The following ZNF608 variants were observed in gnomAD, a reference collection of about 807,000 sequenced individuals.
ZNF608 encodes the protein renal carcinoma antigen NY-REN-36.
ZNF608 carries 12 observed loss-of-function variants against 109.0 expected under a neutral mutation model. The ratio of observed to expected loss-of-function variants is 0.11; its 90% CI spans 0.07 to 0.18. The LOEUF (loss-of-function observed/expected upper bound fraction) is 0.18, where lower values mean the gene tolerates loss of function less well. Ranked by LOEUF, ZNF608 falls within the 10% of genes least tolerant of loss-of-function variation. The pLI is 1.00. For missense variants in ZNF608, 1,707 were observed against 1,879.3 expected (o/e 0.91, Z 1.70); for synonymous variants, 732 against 717.4 (o/e 1.02, Z -0.33).
chr5:124,740,169 C>T (rs973025803), intron 2 of ZNF608, among the ~76,000 whole-genome samples: 1 of 152,102 alleles, frequency 6.6e-6, no homozygotes, highest in African/African-American at 2.4e-5. Flanking sequence ...GCAAAGCAAA[C>T]GGATTTCACA....
intron 3 of ZNF608, among the ~76,000 whole-genome samples, chr5:124,666,034 T>C (rs796616853): frequency 1.8e-4 from 27 of 152,270 alleles, no homozygotes; most frequent in African/African-American, 6.3e-4. Context: ...TGTACGTTTG[T>C]GCGTACTAGG....
At chr5:124,711,734 G>C (rs953898009) in intron 2 of ZNF608, among the ~76,000 whole-genome samples, 5 of 152,232 alleles carry the variant, frequency 3.3e-5, no homozygotes, top group Admixed American at 3.3e-4. Context: ...AAGGTGGTCA[G>C]TTAAGCCCAG....
At chr5:124,691,586 G>A (rs1752633955) in intron 3 of ZNF608, among the ~76,000 whole-genome samples, 1 of 152,148 alleles carries the variant, frequency 6.6e-6, no homozygotes, top group African/African-American at 2.4e-5. Context: ...CAACCTACGT[G>A]TCCATCAATG....
chr5:124,666,180 G>A (rs1751470909), intron 3 of ZNF608: 1 of 152,226 alleles, frequency 6.6e-6, no homozygotes, highest in Admixed American at 6.5e-5. Context: ...ATCTGCATGT[G>A]TGATCACCAG....
chr5:124,737,157 C>T (rs972736548), intron 2 of ZNF608, among the ~76,000 whole-genome samples: 7 of 152,202 alleles, frequency 4.6e-5, no homozygotes, highest in Non-Finnish European at 8.8e-5. Context: ...AATTCCACAA[C>T]CTAAATATCT....
upstream of ZNF608, chr5:124,748,626 C>T (rs1454230505): frequency 1.1e-6 from 1 of 932,380 alleles, no homozygotes; most frequent in Admixed American, 6.2e-5. Flanking sequence ...ATCTCTTCAA[C>T]AAATTTATTA....
rs544313548 is a variant in ZNF608, at chr5:124,746,298, G to A, written c.-287C>T. ...GCCTCATTTTACTTAAACACCAAAT[G>A]ATCAAGAAGGAAGAAACCAAATAAC... On this transcript the variant is annotated 5_prime_UTR_variant, in exon 1 of 10. Transcript: ENST00000513986. 4.1e-6 allele frequency: 4 copies of A among 985,210 alleles called. No individual in the cohort carries two copies. The South Asian group carries it at 1.9e-4, about 46-fold the overall frequency. The allele number at this position is 985,210 out of a possible 1,614,324, so 61.0% of individuals were successfully genotyped here. A position where few individuals can be genotyped will look rare whatever the true frequency, so the allele number is the denominator to read the frequency against.
At chr5:124,649,526 C>T in intron 4 of ZNF608, 84 bp downstream of exon 4, 1 of 1,154,828 alleles carries the variant, frequency 8.7e-7, no homozygotes, top group Non-Finnish European at 1.3e-6. Flanking sequence ...TACAGGCACA[C>T]TTTTATGTAT....
At chr5:124,674,740 A>G (rs1220551904) in intron 3 of ZNF608, among the ~76,000 whole-genome samples, 2 of 152,150 alleles carry the variant, frequency 1.3e-5, no homozygotes, top group Non-Finnish European at 2.9e-5. Flanking sequence ...CCTCCTGAGT[A>G]GCTTGGACTA....
intron 3 of ZNF608, among the ~76,000 whole-genome samples, chr5:124,680,628 A>T (rs1365245224): frequency 6.6e-6 from 1 of 152,254 alleles, no homozygotes; most frequent in African/African-American, 2.4e-5. Context: ...TCATAGAAGC[A>T]GACAGCCAAC....
chr5:124,732,543 TCA>T (rs1748956544), intron 2 of ZNF608, among the ~76,000 whole-genome samples: 1 of 143,902 alleles, frequency 6.9e-6, no homozygotes. Flanking sequence ...TTTTGTTTGT[TCA>T]AAAAAAAAAA....
At chr5:124,722,686 A>T (rs189497504) in intron 2 of ZNF608, among the ~76,000 whole-genome samples, 26 of 152,056 alleles carry the variant, frequency 1.7e-4, no homozygotes, top group Non-Finnish European at 3.5e-4. Flanking sequence ...GTGGGGGTTG[A>T]GGGTTGGAGA....
intron 3 of ZNF608, among the ~76,000 whole-genome samples, chr5:124,690,373 C>T (rs986827750): frequency 6.6e-6 from 1 of 152,242 alleles, no homozygotes; most frequent in Admixed American, 6.5e-5. Flanking sequence ...AAACTAGGAG[C>T]TTTGGGTGAT....
chr5:124,741,300 A>C (rs978608296), intron 2 of ZNF608, among the ~76,000 whole-genome samples: 2 of 152,100 alleles, frequency 1.3e-5, no homozygotes, highest in South Asian at 4.2e-4. Flanking sequence ...AAGAAACAGA[A>C]TAAACAGACC....
Position 124,648,522 on chromosome 5 carries a change from T to C in ZNF608, c.1862A>G (p.Gln621Arg), listed in dbSNP as rs1750641241. 6.2e-7 allele frequency: 1 copy of C among 1,614,210 alleles called. No individual in the cohort carries two copies. The highest frequency in any genetic ancestry group is 8.5e-7 in the Non-Finnish European group (1 of 1,180,038). ...EPSTSVSAYD[Q>R]LKAPASPGAG... is the part of the protein sequence containing the mutation. The stretch of plus-strand genomic sequence containing the variant: ...ACCAGGGGATGCCGGTGCCTTCAAC[T>C]GGTCATAAGCAGATACACTTGTGCT... Residue 621 changes from glutamine (Q) to arginine (R), a missense_variant, in exon 5 of 10, where the codon CAG becomes CGG. Transcript: ENST00000513986.
intron 3 of ZNF608, among the ~76,000 whole-genome samples, chr5:124,695,954 C>A (rs965266622): frequency 1.3e-5 from 2 of 152,080 alleles, no homozygotes; most frequent in African/African-American, 2.4e-5. Context: ...GAGGCCAAGG[C>A]GGGTGGATCA....
chr5:124,696,207 AAGAG>A (rs369157792), intron 3 of ZNF608, among the ~76,000 whole-genome samples: 2 of 151,952 alleles, frequency 1.3e-5, no homozygotes, highest in African/African-American at 2.4e-5. Context: ...AAAGGAAAAA[AAGAG>A]AGAGAGAGAA....
In ZNF608 at chr5:124,746,586, C is replaced by G. The variant is rs1749649436; in HGVS notation, c.-575G>C. The stretch of plus-strand genomic sequence containing the variant: ...CGCCTTCAGTTCCAGACTTCAGAGT[C>G]ACCGTGATCAGTAATGATCCCATGT... On this transcript the variant is annotated 5_prime_UTR_variant, in exon 1 of 10. Transcript: ENST00000513986. The G allele has an allele frequency of 1.2e-5, 12 of 985,364 alleles. No individual in the cohort carries two copies. Among genetic ancestry groups the G allele is most frequent in the Non-Finnish European group, 1.3e-5 (11 of 829,922 alleles). The allele number at this position is 985,364 out of a possible 1,614,324, so 61.0% of individuals were successfully genotyped here.
chr5:124,744,025 C>A lies in ZNF608; in HGVS notation c.906+59G>T, dbSNP rs1749532625. The A allele has an allele frequency of 1.3e-6, 2 of 1,528,976 alleles. No homozygotes were observed. The highest frequency in any genetic ancestry group is 1.4e-5 in the African/African-American group (1 of 72,240). 94.7% of individuals were successfully genotyped at this position (1,528,976 alleles called of 1,614,324 possible). Reference sequence around the variant, plus strand: ...AGGCACACAGAGGCACACCCCCACACACCCACACAAATGCACACAGAGGAG... The same window carrying A: ...AGGCACACAGAGGCACACCCCCACAAACCCACACAAATGCACACAGAGGAG... On this transcript the variant is annotated intron_variant, in intron 2 of 9. Transcript: ENST00000513986. The surrounding 1 kb of genome is among the most constrained non-coding windows in gnomAD (Gnocchi z 4.5).
Sources: gnomAD v4.1 joint callset for allele counts (sites outside exome capture counted in the v4.1 genomes callset) on GRCh38, gnomAD v4.1.1 for gene constraint, Gnocchi (gnomAD v3.1) non-coding constraint, MANE v1.5 for transcripts, NCBI Gene and HGNC (gene_info 2026-07-23, HGNC 2026-07-21) for gene names.